Variants in ZNF609 observed in about 807,000 individuals in gnomAD.
ZNF609 encodes zinc finger protein 609.
In ZNF609, 11 loss-of-function variants were observed where a neutral mutation model predicts 109.5. That is an observed-to-expected ratio of 0.10 (90% CI 0.06 to 0.17). ZNF609 has a LOEUF of 0.17. ZNF609 is among the 10% of genes least tolerant of loss of function. ZNF609 has a pLI of 1.00. For synonymous variants in ZNF609, 646 were observed against 662.0 expected (o/e 0.98, Z 0.37); for missense variants, 1,559 against 1,772.4 (o/e 0.88, Z 2.16).
intron 2 of ZNF609, among the ~76,000 whole-genome samples, chr15:64,547,419 A>G (rs1297065346): frequency 1.3e-5 from 2 of 152,234 alleles, no homozygotes; most frequent in Non-Finnish European, 2.9e-5. Flanking sequence ...GAAGTAAACC[A>G]TGAATATAAA....
intron 1 of ZNF609, among the ~76,000 whole-genome samples, chr15:64,469,779 A>G (rs1009205659): frequency 5.3e-5 from 8 of 152,196 alleles, no homozygotes; most frequent in African/African-American, 1.9e-4. Flanking sequence ...CTGTAATCCT[A>G]GCACTTTGGG....
At chr15:64,479,694 G>C (rs1182258741) in intron 1 of ZNF609, among the ~76,000 whole-genome samples, 1 of 152,010 alleles carries the variant, frequency 6.6e-6, no homozygotes, top group African/African-American at 2.4e-5. Flanking sequence ...CGAGGTGGGC[G>C]GATCACTTGA....
At chr15:64,564,044 C>T (rs982724323) in intron 2 of ZNF609, among the ~76,000 whole-genome samples, 17 of 151,658 alleles carry the variant, frequency 1.1e-4, no homozygotes, top group South Asian at 2.1e-4. Context: ...CCACCACACC[C>T]GGCCTAAATT....
intron 2 of ZNF609, among the ~76,000 whole-genome samples, chr15:64,555,912 GAAAA>G (rs1369647529): frequency 2.5e-5 from 3 of 118,716 alleles, no homozygotes; most frequent in African/African-American, 9.6e-5. Flanking sequence ...AAAAAAAAAA[GAAAA>G]CCTGAAGATT....
In ZNF609 at chr15:64,577,240, T is replaced by TATGTATATATATACACACAAATATATAC. The variant is rs1555420435; in HGVS notation, c.748-45585_748-45584insGTATATATATACACACAAATATATACAT. 6.0e-4 allele frequency among the ~76,000 whole-genome samples: 59 copies of TATGTATATATATACACACAAATATATAC among 98,230 alleles called. 15 individuals carry two copies. Among genetic ancestry groups the TATGTATATATATACACACAAATATATAC allele is most frequent in the African/African-American group, 1.8e-3 (47 of 26,566 alleles). 64.4% of individuals were successfully genotyped at this position (98,230 alleles called of 152,430 possible). The stretch of plus-strand genomic sequence containing the variant: ...ATATATATACACACAAATACATACA[T>TATGTATATATATACACACAAATATATAC]ATATATGTATATATATACACACAAA... On this transcript the variant is annotated intron_variant, in intron 2 of 9. Transcript: ENST00000326648.
At chr15:64,641,171 A>G (rs145497464) in intron 3 of ZNF609, among the ~76,000 whole-genome samples, 9 of 148,560 alleles carry the variant, frequency 6.1e-5, no homozygotes, top group Non-Finnish European at 1.0e-4. Flanking sequence ...TACTATGGTC[A>G]TGTGAAAATG....
At chr15:64,485,777 C>G (rs1893323870) in intron 1 of ZNF609, among the ~76,000 whole-genome samples, 1 of 152,068 alleles carries the variant, frequency 6.6e-6, no homozygotes, top group South Asian at 2.1e-4. Context: ...TCTAGCCTGG[C>G]AAAACAGCAA....
intron 3 of ZNF609, among the ~76,000 whole-genome samples, chr15:64,644,783 G>A (rs571764431): frequency 2.0e-5 from 3 of 152,078 alleles, no homozygotes; most frequent in Non-Finnish European, 2.9e-5. Flanking sequence ...GGGTAGCTTT[G>A]TTTTTATTAT....
intron 3 of ZNF609, among the ~76,000 whole-genome samples, chr15:64,645,012 C>CTTTCTTT (rs1567037985): frequency 6.2e-4 from 63 of 101,968 alleles, no homozygotes; most frequent in East Asian, 1.7e-3. Flanking sequence ...TTTCTTTCTT[C>CTTTCTTT]CTTCCTTCCT....
At chr15:64,554,321 C>T (rs1894539814) in intron 2 of ZNF609, among the ~76,000 whole-genome samples, 1 of 152,052 alleles carries the variant, frequency 6.6e-6, no homozygotes, top group African/African-American at 2.4e-5. Context: ...TCTGGGTTAT[C>T]CAGATAAATA....
intron 2 of ZNF609, among the ~76,000 whole-genome samples, chr15:64,585,794 AG>A (rs1353698969): frequency 6.6e-6 from 1 of 152,186 alleles, no homozygotes; most frequent in East Asian, 1.9e-4. Context: ...GACTCACAGA[AG>A]GAGACTGATT....
rs529588867 is a variant in ZNF609 at position 64,609,617 on chromosome 15, A to T, written c.748-13210A>T. Among the ~76,000 whole-genome samples, 55 of 151,022 alleles carry T rather than the reference A, an allele frequency of 3.6e-4. 1 individual carries two copies. The highest frequency in any genetic ancestry group is 1.2e-3 in the African/African-American group (48 of 41,096). ...GAGCCACGGTGCATGGCCTCATTTT[A>T]ATTTCTAATATGTTAAATATCAAGG... is the stretch of plus-strand genomic sequence containing the variant. On this transcript the variant is annotated intron_variant, in intron 2 of 9. Coordinates refer to ENST00000326648, the MANE Select transcript of ZNF609 (RefSeq NM_015042.2).
At chr15:64,530,055 C>A (rs1160305906) in intron 2 of ZNF609, among the ~76,000 whole-genome samples, 1 of 151,826 alleles carries the variant, frequency 6.6e-6, no homozygotes, top group African/African-American at 2.4e-5. Context: ...AACTCTGTCA[C>A]CCTGTCTGGA....
intron 2 of ZNF609, among the ~76,000 whole-genome samples, chr15:64,614,857 C>T (rs1233968859): frequency 1.5e-5 from 2 of 135,844 alleles, no homozygotes; most frequent in Non-Finnish European, 3.1e-5. Context: ...CTTGTTCTGT[C>T]ACCCAGGTTG....
At chr15:64,538,926 C>G (rs1894197928) in intron 2 of ZNF609, among the ~76,000 whole-genome samples, 1 of 152,124 alleles carries the variant, frequency 6.6e-6, no homozygotes, top group Admixed American at 6.6e-5. Flanking sequence ...CCTGGAATTC[C>G]TGGGCTCACG....
chr15:64,566,126 A>G (rs1489709692), intron 2 of ZNF609, among the ~76,000 whole-genome samples: 2 of 152,190 alleles, frequency 1.3e-5, no homozygotes. Flanking sequence ...TTGGGATTAC[A>G]GGCTTGAGCC....
chr15:64,528,842 T>A, intron 2 of ZNF609: 1 of 851,562 alleles, frequency 1.2e-6, no homozygotes, highest in Non-Finnish European at 2.0e-6. Flanking sequence ...CATCTGGTGC[T>A]CATTGTAGCC....
chr15:64,568,081 T>A (rs1894805819), intron 2 of ZNF609, among the ~76,000 whole-genome samples: 1 of 152,202 alleles, frequency 6.6e-6, no homozygotes, highest in African/African-American at 2.4e-5. Context: ...ATATTTGCTT[T>A]ATCTATATAT....
chr15:64,636,465 A>G (rs1896178063), intron 3 of ZNF609, among the ~76,000 whole-genome samples: 1 of 152,198 alleles, frequency 6.6e-6, no homozygotes, highest in Admixed American at 6.5e-5. Flanking sequence ...TTGAACTCAT[A>G]ATCAAATGAA....
Sources: allele counts gnomAD v4.1 joint callset (sites outside exome capture counted in the v4.1 genomes callset), GRCh38; gene constraint gnomAD v4.1.1; transcripts MANE v1.5; gene names NCBI Gene and HGNC (gene_info 2026-07-23, HGNC 2026-07-21).